CD200R1L: variants seen among roughly 807,000 people sequenced by gnomAD.
The protein encoded by CD200R1L is CD200 receptor 1 like.
Under a neutral mutation model 24.8 loss-of-function variants are expected in CD200R1L, and 14 were observed. The ratio of observed to expected loss-of-function variants is 0.56; its 90% CI spans 0.37 to 0.88. The LOEUF (loss-of-function observed/expected upper bound fraction) is 0.88. CD200R1L is among the 40% of genes least tolerant of loss of function. The probability of loss-of-function intolerance (pLI) is 0.00; values close to 1 mark genes in which losing one functional copy is unlikely to be tolerated. For missense variants in CD200R1L, 299 were observed against 297.8 expected (o/e 1.00, Z -0.03); for synonymous variants, 111 against 109.2 (o/e 1.02, Z -0.11).
At chr3:112,843,750 G>A (rs1939134211) in intron 2 of CD200R1L, among the ~76,000 whole-genome samples, 1 of 152,168 alleles carries the variant, frequency 6.6e-6, no homozygotes, top group Non-Finnish European at 1.5e-5. Flanking sequence ...AAGGCACAGA[G>A]TGGCAAGTTG....
chr3:112,834,429 A>T (rs889723045), intron 3 of CD200R1L, among the ~76,000 whole-genome samples: 3 of 151,928 alleles, frequency 2.0e-5, no homozygotes, highest in Non-Finnish European at 4.4e-5. Flanking sequence ...CATAGGGGAG[A>T]TACTTCTACC....
At position 112,815,961 on chromosome 3, in the gene CD200R1L, C is replaced by G. The variant is rs756849029; in HGVS notation, c.*2G>C. The G allele has an allele frequency of 3.8e-6, 3 of 780,338 alleles. No individual in the cohort carries two copies. The African/African-American group carries it at 5.1e-5, about 13-fold the overall frequency. 48.3% of individuals were successfully genotyped at this position (780,338 alleles called of 1,614,324 possible). ...AAGCAAAAGAAGACCCTTCCTTCTT[C>G]TTTAAAGAACTTTTCTGAAAGTATT... On this transcript the variant is annotated 3_prime_UTR_variant, in exon 8 of 8. Transcript: ENST00000488794.
chr3:112,817,906 TG>T (rs1035706948), intron 7 of CD200R1L, among the ~76,000 whole-genome samples: 22 of 152,118 alleles, frequency 1.4e-4, no homozygotes, highest in African/African-American at 4.8e-4. Context: ...CCCAGAATCA[TG>T]GGGGTAGGTG....
chr3:112,820,158 C>T (rs1467323982), intron 6 of CD200R1L, among the ~76,000 whole-genome samples: 2 of 152,172 alleles, frequency 1.3e-5, no homozygotes, highest in Non-Finnish European at 2.9e-5. Context: ...ATTGCTAATA[C>T]TTTCCAATTT....
chr3:112,823,348 C>A (rs72950313), intron 6 of CD200R1L, among the ~76,000 whole-genome samples: 1 of 152,222 alleles, frequency 6.6e-6, no homozygotes, highest in East Asian at 1.9e-4. Flanking sequence ...ATCATGGGAA[C>A]TCTCTGAATT....
intron 2 of CD200R1L, among the ~76,000 whole-genome samples, chr3:112,838,343 G>T (rs552596697): frequency 1.3e-4 from 20 of 152,228 alleles, no homozygotes; most frequent in Admixed American, 1.2e-3. Flanking sequence ...GCAGGGCCCA[G>T]GAGTAAAGTT....
Position 112,815,834 on chromosome 3 carries a change from A to C in CD200R1L, c.*129T>G. 1.5e-6 allele frequency: 1 copy of C among 684,564 alleles called. No homozygotes were observed. The highest frequency in any genetic ancestry group is 1.7e-5 in the South Asian group (1 of 57,244). The allele number at this position is 684,564 out of a possible 1,614,324, so 42.4% of individuals were successfully genotyped here. On this transcript the variant is annotated 3_prime_UTR_variant, in exon 8 of 8. Transcript: ENST00000488794. The stretch of plus-strand genomic sequence containing the variant: ...CCTTCTTCCATCTTTCTTTTCTTCT[A>C]TCCTACTGAGTGGCTTCTATCCTTA...
chr3:112,824,168 G>A (rs1938606245), intron 6 of CD200R1L, among the ~76,000 whole-genome samples: 1 of 152,108 alleles, frequency 6.6e-6, no homozygotes, highest in African/African-American at 2.4e-5. Flanking sequence ...AACTAAGACA[G>A]TAGGGAGAAA....
At chr3:112,845,616 A>T (rs1939183128) in intron 2 of CD200R1L, 63 bp downstream of exon 2, 2 of 1,113,330 alleles carry the variant, frequency 1.8e-6, no homozygotes, top group Non-Finnish European at 2.7e-6. Context: ...GATCAAGAGT[A>T]TCCTCATAAT....
At chr3:112,834,956 T>C (rs929809782) in intron 3 of CD200R1L, among the ~76,000 whole-genome samples, 1 of 152,112 alleles carries the variant, frequency 6.6e-6, no homozygotes, top group Admixed American at 6.5e-5. Flanking sequence ...CCTAAAAGGG[T>C]GTCACAGCCC....
chr3:112,824,678 C>T (rs982008343), intron 6 of CD200R1L, among the ~76,000 whole-genome samples: 7 of 152,100 alleles, frequency 4.6e-5, no homozygotes, highest in Non-Finnish European at 7.4e-5. Context: ...ACGAGGAAAA[C>T]GCATCAGAAA....
chr3:112,822,890 A>G (rs1938569773), intron 6 of CD200R1L, among the ~76,000 whole-genome samples: 3 of 152,194 alleles, frequency 2.0e-5, no homozygotes, highest in South Asian at 4.1e-4. Flanking sequence ...GTAAATGATT[A>G]AAGGGTGCCA....
At chr3:112,838,908 G>A (rs1939020425) in intron 2 of CD200R1L, among the ~76,000 whole-genome samples, 1 of 152,130 alleles carries the variant, frequency 6.6e-6, no homozygotes, top group Non-Finnish European at 1.5e-5. Context: ...AGGATTTCCG[G>A]AGTAAGAAAA....
At position 112,827,763 on chromosome 3, in the gene CD200R1L, T is replaced by G. The variant is rs1938702746; in HGVS notation, c.50-79A>C. The G allele has an allele frequency of 3.0e-6, 4 of 1,324,960 alleles. No homozygotes were observed. In the Middle Eastern group the frequency reaches 7.6e-4, roughly 251 times the overall value. The allele number at this position is 1,324,960 out of a possible 1,614,324, so 82.1% of individuals were successfully genotyped here. ...TGTGTTATGTTTATCCACAGTATAT[T>G]ACATGAAGTTTTATTAGAACATAAA... is the stretch of plus-strand genomic sequence containing the variant. On this transcript the variant is annotated intron_variant, in intron 4 of 7. Transcript: ENST00000488794.
At chr3:112,842,566 C>A (rs2087283) in intron 2 of CD200R1L, among the ~76,000 whole-genome samples, 1 of 151,738 alleles carries the variant, frequency 6.6e-6, no homozygotes, top group Non-Finnish European at 1.5e-5. Context: ...TGACTGCCTG[C>A]GGGGTCGGGC....
At chr3:112,825,756 A>G (rs561927853) in intron 6 of CD200R1L, among the ~76,000 whole-genome samples, 3 of 152,328 alleles carry the variant, frequency 2.0e-5, no homozygotes, top group South Asian at 2.1e-4. Flanking sequence ...AAGGAACAAA[A>G]AAACTAAACA....
At position 112,815,922 on chromosome 3, in the gene CD200R1L, G is replaced by A. The variant is rs201356507; in HGVS notation, c.*41C>T. ...CTCATCTCACCAATGTTGCAGTCCA[G>A]AGACAAGGAGGAGAAGCAAAAGAAG... is the stretch of plus-strand genomic sequence containing the variant. On this transcript the variant is annotated 3_prime_UTR_variant, in exon 8 of 8. Coordinates refer to ENST00000488794, the MANE Select transcript of CD200R1L (RefSeq NM_001199215.3). The A allele has an allele frequency of 2.6e-6, 2 of 780,046 alleles. No homozygotes were observed. The highest frequency in any genetic ancestry group is 4.8e-6 in the Non-Finnish European group (2 of 417,528). 48.3% of individuals were successfully genotyped at this position (780,046 alleles called of 1,614,324 possible). A position where few individuals can be genotyped will look rare whatever the true frequency, so the allele number is the denominator to read the frequency against.
At chr3:112,823,310 C>G (rs183758653) in intron 6 of CD200R1L, among the ~76,000 whole-genome samples, 2 of 152,304 alleles carry the variant, frequency 1.3e-5, no homozygotes, top group East Asian at 3.9e-4. Context: ...GTGAGCCATT[C>G]TAGCAAATTA....
chr3:112,845,880 C>G lies in CD200R1L; in HGVS notation c.-288G>C. 16 of 603,166 alleles carry G rather than the reference C, an allele frequency of 2.7e-5. No homozygotes were observed. Among genetic ancestry groups the G allele is most frequent in the Middle Eastern group, 3.8e-4 (1 of 2,654 alleles). 37.4% of individuals were successfully genotyped at this position (603,166 alleles called of 1,614,324 possible). On this transcript the variant is annotated 5_prime_UTR_variant, in exon 2 of 8. Coordinates refer to ENST00000488794, the MANE Select transcript of CD200R1L (RefSeq NM_001199215.3). ...CATATTTCTTCATTATCTTGCTTATCTTTAATTTTTGCTGTCATTCTATAT... is the reference window on the plus strand; with the variant it reads ...CATATTTCTTCATTATCTTGCTTATGTTTAATTTTTGCTGTCATTCTATAT...
Sources: gnomAD v4.1 joint callset for allele counts (sites outside exome capture counted in the v4.1 genomes callset) on GRCh38, gnomAD v4.1.1 for gene constraint, MANE v1.5 for transcripts, NCBI Gene and HGNC (gene_info 2026-07-23, HGNC 2026-07-21) for gene names.